Variants in ARSJ observed in about 807,000 individuals in gnomAD.
The protein encoded by ARSJ is arylsulfatase family member J.
Under a neutral mutation model 35.9 loss-of-function variants are expected in ARSJ, and 26 were observed. The ratio of observed to expected loss-of-function variants is 0.72; its 90% CI spans 0.53 to 1.00. ARSJ has a LOEUF of 1.00. ARSJ is among the 50% of genes least tolerant of loss of function. The pLI is 0.00. For synonymous variants in ARSJ, 294 were observed against 267.6 expected, an observed-to-expected ratio of 1.10 and a Z score of -0.96; for missense variants, 667 against 723.6, an observed-to-expected ratio of 0.92 and a Z score of 0.90.
At chr4:113,927,114 C>A (rs144725371) in intron 1 of ARSJ, among the ~76,000 whole-genome samples, 2 of 152,146 alleles carry the variant, frequency 1.3e-5, no homozygotes, top group Non-Finnish European at 2.9e-5. Flanking sequence ...CAGAGTAACA[C>A]ACCCAAATGA....
At position 113,900,718 on chromosome 4, in the gene ARSJ, G is replaced by A. The variant is rs1011429432; in HGVS notation, c.*1556C>T. The A allele has an allele frequency of 1.8e-4, 27 of 152,132 alleles. No individual in the cohort carries two copies. The highest frequency in any genetic ancestry group is 8.8e-5 in the Non-Finnish European group (6 of 68,024). 9.4% of individuals were successfully genotyped at this position (152,132 alleles called of 1,614,324 possible). A position where few individuals can be genotyped will look rare whatever the true frequency, so the allele number is the denominator to read the frequency against. On this transcript the variant is annotated 3_prime_UTR_variant, in exon 2 of 2. Transcript: ENST00000315366. ...GCTTCAAGGCCTCTGCATTAGGAGA[G>A]GGCACTTCAAAGAAAACACCAGGGT...
chr4:113,953,176 C>G (rs759892317), intron 1 of ARSJ, among the ~76,000 whole-genome samples: 1 of 152,038 alleles, frequency 6.6e-6, no homozygotes, highest in Non-Finnish European at 1.5e-5. Flanking sequence ...ACTCACTATG[C>G]TGAAAGACTG....
In ARSJ at chr4:113,968,973, G is replaced by A. The variant is rs531848428; in HGVS notation, c.398+9464C>T. Among the ~76,000 whole-genome samples the A allele has an allele frequency of 3.9e-5, 6 of 152,288 alleles. No homozygotes were observed. The South Asian group carries it at 1.2e-3, about 32-fold the overall frequency. On this transcript the variant is annotated intron_variant, in intron 1 of 1. Coordinates refer to ENST00000315366, the MANE Select transcript of ARSJ (RefSeq NM_024590.4). ...TTCAAAACTATTATGTACCTTCTAA[G>A]TTGTAGCCCCAGGGGTGAGTTGGAA...
chr4:113,978,730 G>A lies in ARSJ; in HGVS notation c.105C>T (p.Ile35=), dbSNP rs1594534367. 1.9e-6 allele frequency: 3 copies of A among 1,614,230 alleles called. No individual in the cohort carries two copies. Among genetic ancestry groups the A allele is most frequent in the Non-Finnish European group, 2.5e-6 (3 of 1,180,044 alleles). ...GGTAACCATAAGTGAGGAGGCAGAGGATCCAGAATCCTGCCAGCGCCCCCA... is the reference window on the plus strand; with the variant it reads ...GGTAACCATAAGTGAGGAGGCAGAGAATCCAGAATCCTGCCAGCGCCCCCA... The part of the protein sequence containing the change: ...LAMGALAGFW[I]LCLLTYGYLS... Residue 35 remains isoleucine, a synonymous_variant, in exon 1 of 2, where the codon ATC becomes ATT. Transcript: ENST00000315366.
chr4:113,935,065 TAG>T lies in ARSJ; in HGVS notation c.399-31392_399-31391del, dbSNP rs1303793065. ...CTCAAACTTTCCCTAAAATGGGAAT[TAG>T]CAATGTCTGGATTTCAAATTACTCT... On this transcript the variant is annotated intron_variant, in intron 1 of 1. Transcript: ENST00000315366. 8.9e-4 allele frequency among the ~76,000 whole-genome samples: 135 copies of T among 152,006 alleles called. 1 individual carries two copies. In the East Asian group the frequency reaches 0.02, roughly 23 times the overall value.
rs147896298 is a variant in ARSJ, at chr4:113,927,179, T to C, written c.399-23504A>G. ...GCCCACTAGGCATTGTGCCTCTTTC[T>C]TGGTTGTAGGAGGGGCCAAATGCAG... On this transcript the variant is annotated intron_variant, in intron 1 of 1. Transcript: ENST00000315366. Among the ~76,000 whole-genome samples the C allele has an allele frequency of 4.6e-3, 699 of 152,260 alleles. 5 individuals carry two copies. Among genetic ancestry groups the C allele is most frequent in the African/African-American group, 0.016 (676 of 41,546 alleles).
intron 1 of ARSJ, among the ~76,000 whole-genome samples, chr4:113,968,545 A>C: frequency 6.6e-6 from 1 of 152,182 alleles, no homozygotes; most frequent in South Asian, 2.1e-4. Flanking sequence ...CCCAGAGATG[A>C]ATGAAGAACA....
chr4:113,944,748 T>C (rs76862342), intron 1 of ARSJ, among the ~76,000 whole-genome samples: 4,422 of 152,148 alleles, frequency 0.029, 208 homozygotes, highest in African/African-American at 0.1. Context: ...GCCATAGCAA[T>C]GTAAATGAAT....
At chr4:113,924,928 G>GT (rs891549704) in intron 1 of ARSJ, among the ~76,000 whole-genome samples, 41 of 151,968 alleles carry the variant, frequency 2.7e-4, no homozygotes, top group African/African-American at 7.2e-4. Flanking sequence ...GCAGGTTGTG[G>GT]TTTTTTTTCC....
intron 1 of ARSJ, among the ~76,000 whole-genome samples, chr4:113,956,246 G>C (rs369344229): frequency 8.6e-5 from 13 of 151,934 alleles, no homozygotes; most frequent in African/African-American, 2.9e-4. Context: ...AATAGATTAG[G>C]ATTTAAACCC....
chr4:113,956,855 C>T (rs192877636), intron 1 of ARSJ, among the ~76,000 whole-genome samples: 14 of 151,930 alleles, frequency 9.2e-5, no homozygotes, highest in Admixed American at 3.3e-4. Flanking sequence ...TTTGATGACA[C>T]GACGAGATGT....
intron 1 of ARSJ, among the ~76,000 whole-genome samples, chr4:113,946,892 A>T (rs1725524743): frequency 6.6e-6 from 1 of 152,052 alleles, no homozygotes; most frequent in Non-Finnish European, 1.5e-5. Flanking sequence ...TACTTTATCA[A>T]TTATAAAAAT....
At chr4:113,911,239 A>G (rs2099670352) in intron 1 of ARSJ, among the ~76,000 whole-genome samples, 1 of 152,216 alleles carries the variant, frequency 6.6e-6, no homozygotes, top group Non-Finnish European at 1.5e-5. Flanking sequence ...AGATTCAGAC[A>G]TATCTTGACT....
chr4:113,918,904 C>T lies in ARSJ; in HGVS notation c.399-15229G>A, dbSNP rs1313360606. On this transcript the variant is annotated intron_variant, in intron 1 of 1. Transcript: ENST00000315366. Reference sequence around the variant, plus strand: ...ACCTCCCAGGCTTAAGTGATCCTCTCACCTCAGCCTCCTGAGTAGCTGATA... The same window carrying T: ...ACCTCCCAGGCTTAAGTGATCCTCTTACCTCAGCCTCCTGAGTAGCTGATA... Among the ~76,000 whole-genome samples, 3 of 152,178 alleles carry T rather than the reference C, an allele frequency of 2.0e-5. No individual in the cohort carries two copies. The East Asian group carries it at 5.8e-4, about 29-fold the overall frequency.
chr4:113,973,878 G>T (rs1401160036), intron 1 of ARSJ, among the ~76,000 whole-genome samples: 2 of 152,086 alleles, frequency 1.3e-5, no homozygotes, highest in Non-Finnish European at 2.9e-5. Flanking sequence ...TTACATTCAA[G>T]ATATTAATAT....
At chr4:113,974,175 T>G (rs1233777469) in intron 1 of ARSJ, among the ~76,000 whole-genome samples, 1 of 151,660 alleles carries the variant, frequency 6.6e-6, no homozygotes, top group Non-Finnish European at 1.5e-5. Context: ...AACAAAACAA[T>G]AAAACTCTTA....
intron 1 of ARSJ, among the ~76,000 whole-genome samples, chr4:113,972,293 G>GAAAAAAAAA (rs750176630): frequency 1.6e-5 from 1 of 61,642 alleles, no homozygotes; most frequent in Non-Finnish European, 3.0e-5. Context: ...AGATGATCTG[G>GAAAAAAAAA]AAAAAAAAAA....
At chr4:113,965,066 T>G (rs1726806084) in intron 1 of ARSJ, among the ~76,000 whole-genome samples, 1 of 151,822 alleles carries the variant, frequency 6.6e-6, no homozygotes, top group Non-Finnish European at 1.5e-5. Flanking sequence ...TTAAATGCCT[T>G]GTGGCATCTA....
intron 1 of ARSJ, among the ~76,000 whole-genome samples, chr4:113,918,919 A>T (rs1412622247): frequency 6.6e-6 from 1 of 152,034 alleles, no homozygotes; most frequent in Non-Finnish European, 1.5e-5. Flanking sequence ...CAGCCTCCTG[A>T]GTAGCTGATA....
Sources: allele counts gnomAD v4.1 joint callset (sites outside exome capture counted in the v4.1 genomes callset), GRCh38; gene constraint gnomAD v4.1.1; transcripts MANE v1.5; gene names NCBI Gene and HGNC (gene_info 2026-07-23, HGNC 2026-07-21).